PTPRD: variants seen among roughly 807,000 people sequenced by gnomAD.
The protein encoded by PTPRD is receptor-type tyrosine-protein phosphatase delta.
PTPRD carries 34 observed loss-of-function variants against 214.5 expected under a neutral mutation model. The observed-to-expected ratio is 0.16, with a 90% confidence interval of 0.12 to 0.21. The LOEUF (loss-of-function observed/expected upper bound fraction) is 0.21. Among genes scored for constraint, PTPRD ranks in the 10% least tolerant of loss-of-function variants. PTPRD has a pLI of 1.00. For synonymous variants in PTPRD, 1,128 were observed against 845.7 expected, an observed-to-expected ratio of 1.33 and a Z score of -5.79; for missense variants, 2,545 against 2,398.7, an observed-to-expected ratio of 1.06 and a Z score of -1.27.
intron 3 of PTPRD, among the ~76,000 whole-genome samples, chr9:10,070,400 T>C (rs1438912882): frequency 6.6e-6 from 1 of 152,090 alleles, no homozygotes; most frequent in Admixed American, 6.6e-5. Context: ...TTACAGATTG[T>C]AATTTCTTTA....
chr9:9,973,741 T>G (rs1199093643), intron 4 of PTPRD, among the ~76,000 whole-genome samples: 1 of 152,168 alleles, frequency 6.6e-6, no homozygotes, highest in Non-Finnish European at 1.5e-5. Context: ...GATATATTGG[T>G]GTGAAAACAT....
chr9:9,953,467 AT>A (rs1555387677), intron 4 of PTPRD, among the ~76,000 whole-genome samples: 6 of 151,656 alleles, frequency 4.0e-5, no homozygotes, highest in Non-Finnish European at 4.4e-5. Flanking sequence ...AATAAAAAAA[AT>A]TAAATTAAAA....
intron 11 of PTPRD, chr9:8,861,303 T>C (rs981749751): frequency 2.6e-5 from 4 of 152,252 alleles, no homozygotes; most frequent in Non-Finnish European, 5.9e-5. Flanking sequence ...AAAGTTCACC[T>C]GTTTTTGAAA....
chr9:9,625,708 C>G (rs1376676709), intron 7 of PTPRD, among the ~76,000 whole-genome samples: 2 of 152,038 alleles, frequency 1.3e-5, no homozygotes, highest in Non-Finnish European at 2.9e-5. Flanking sequence ...TGGGTCGCAG[C>G]AAGGGAATTA....
intron 4 of PTPRD, among the ~76,000 whole-genome samples, chr9:10,026,767 G>A (rs1484115868): frequency 6.6e-6 from 1 of 151,944 alleles, no homozygotes; most frequent in Non-Finnish European, 1.5e-5. Flanking sequence ...GGTGGGGACT[G>A]GATTCCATGT....
intron 22 of PTPRD, 39 bp downstream of exon 22, chr9:8,507,262 A>G: frequency 6.3e-7 from 1 of 1,593,154 alleles, no homozygotes; most frequent in Non-Finnish European, 8.5e-7. Flanking sequence ...GGCCCCACGT[A>G]ATGAATAATT....
intron 14 of PTPRD, among the ~76,000 whole-genome samples, chr9:8,550,296 T>G (rs1398655454): frequency 2.0e-5 from 3 of 152,150 alleles, no homozygotes; most frequent in African/African-American, 7.2e-5. Context: ...AAATTTGAAG[T>G]GTCATGAGTA....
intron 10 of PTPRD, among the ~76,000 whole-genome samples, chr9:9,103,643 G>A (rs1323374668): frequency 6.6e-6 from 1 of 151,924 alleles, no homozygotes; most frequent in African/African-American, 2.4e-5. Context: ...AGGTGACAAT[G>A]AACTTTCTCC....
At chr9:8,367,776 G>A (rs2080332997) in intron 39 of PTPRD, among the ~76,000 whole-genome samples, 1 of 152,122 alleles carries the variant, frequency 6.6e-6, no homozygotes, top group African/African-American at 2.4e-5. Flanking sequence ...ATAACTGTGA[G>A]GTAAAACAAT....
chr9:8,361,007 A>T (rs938250912), intron 39 of PTPRD, among the ~76,000 whole-genome samples: 7 of 152,196 alleles, frequency 4.6e-5, no homozygotes, highest in African/African-American at 1.4e-4. Context: ...AGTGATTTTC[A>T]TTCTTATGTT....
At chr9:10,139,668 A>G (rs1389560187) in intron 3 of PTPRD, among the ~76,000 whole-genome samples, 1 of 152,112 alleles carries the variant, frequency 6.6e-6, no homozygotes, top group Admixed American at 6.6e-5. Flanking sequence ...CCAAACCATC[A>G]CAAGGCTAGG....
intron 3 of PTPRD, among the ~76,000 whole-genome samples, chr9:10,067,211 T>C (rs567133541): frequency 6.6e-6 from 1 of 151,998 alleles, no homozygotes; most frequent in South Asian, 2.1e-4. Flanking sequence ...CACAGGTCCT[T>C]TGGAGGAGAG....
intron 10 of PTPRD, among the ~76,000 whole-genome samples, chr9:9,134,147 A>C (rs1421066927): frequency 8.2e-6 from 1 of 121,712 alleles, no homozygotes; most frequent in African/African-American, 3.8e-5. Context: ...ATCTCGGCTC[A>C]CTGCAAGCTC....
chr9:10,361,341 TG>T lies in PTPRD; in HGVS notation c.-599-20325del, dbSNP rs578182618. ...AGAGTGAAAAATGCAAATAACCCCCTGGTGTTATCGAAATAGTTTGATGTCA... is the reference window on the plus strand; with the variant it reads ...AGAGTGAAAAATGCAAATAACCCCCTGTGTTATCGAAATAGTTTGATGTCA... On this transcript the variant is annotated intron_variant, in intron 2 of 45. Transcript: ENST00000381196. 9.2e-5 allele frequency among the ~76,000 whole-genome samples: 14 copies of T among 152,254 alleles called. No individual in the cohort carries two copies. The South Asian group carries it at 2.9e-3, about 32-fold the overall frequency.
At chr9:10,499,557 T>C (rs1317545704) in intron 2 of PTPRD, among the ~76,000 whole-genome samples, 1 of 151,938 alleles carries the variant, frequency 6.6e-6, no homozygotes, top group Non-Finnish European at 1.5e-5. Flanking sequence ...AAAGCATTTT[T>C]AAATGTGTGT....
At chr9:10,096,920 T>C (rs575872893) in intron 3 of PTPRD, among the ~76,000 whole-genome samples, 1 of 151,572 alleles carries the variant, frequency 6.6e-6, no homozygotes, top group African/African-American at 2.4e-5. Context: ...TTTTTTAAGA[T>C]GTAAGGAAGG....
chr9:8,683,132 G>A (rs1042159357), intron 12 of PTPRD, among the ~76,000 whole-genome samples: 4 of 152,124 alleles, frequency 2.6e-5, no homozygotes, highest in African/African-American at 9.7e-5. Flanking sequence ...GGAAGAAAAG[G>A]TGGATCTGGC....
At chr9:9,076,181 A>T (rs997916845) in intron 10 of PTPRD, among the ~76,000 whole-genome samples, 1 of 152,084 alleles carries the variant, frequency 6.6e-6, no homozygotes, top group African/African-American at 2.4e-5. Flanking sequence ...GCATTTTTTC[A>T]TGTGTCTGTT....
intron 7 of PTPRD, among the ~76,000 whole-genome samples, chr9:9,719,833 C>T (rs1213957895): frequency 3.9e-5 from 6 of 152,198 alleles, no homozygotes; most frequent in Admixed American, 3.3e-4. Flanking sequence ...ATTGGTCCTA[C>T]AGTAGAAGCC....
Sources: gnomAD v4.1 joint callset for allele counts (sites outside exome capture counted in the v4.1 genomes callset) on GRCh38, gnomAD v4.1.1 for gene constraint, MANE v1.5 for transcripts, NCBI Gene and HGNC (gene_info 2026-07-23, HGNC 2026-07-21) for gene names.